NPAS2: variants seen among roughly 807,000 people sequenced by gnomAD.
The protein encoded by NPAS2 is neuronal PAS domain protein 2.
In NPAS2, 23 loss-of-function variants were observed where a neutral mutation model predicts 107.5. The ratio of observed to expected loss-of-function variants is 0.21; its 90% confidence interval spans 0.15 to 0.30. NPAS2 has a LOEUF of 0.30. NPAS2 is among the 10% of genes least tolerant of loss of function. The probability of loss-of-function intolerance (pLI) is 1.00; values close to 1 mark genes in which losing one functional copy is unlikely to be tolerated. For synonymous variants in NPAS2, 403 were observed against 417.5 expected, an observed-to-expected ratio of 0.97 and a Z score of 0.42; for missense variants, 756 against 1,043.3, an observed-to-expected ratio of 0.72 and a Z score of 3.79.
At chr2:100,947,622 A>G (rs1213265285) in intron 5 of NPAS2, among the ~76,000 whole-genome samples, 1 of 152,174 alleles carries the variant, frequency 6.6e-6, no homozygotes, top group East Asian at 1.9e-4. Context: ...CTCAGTAACC[A>G]TGTGGCTAGT....
chr2:100,863,134 C>T (rs1433134020), intron 1 of NPAS2, among the ~76,000 whole-genome samples: 3 of 152,242 alleles, frequency 2.0e-5, no homozygotes, highest in Non-Finnish European at 4.4e-5. Context: ...GCCCGACCTT[C>T]TCACTGTCTA....
chr2:100,943,569 T>C (rs1344263328), intron 5 of NPAS2, among the ~76,000 whole-genome samples: 2 of 152,138 alleles, frequency 1.3e-5, no homozygotes, highest in African/African-American at 2.4e-5. Context: ...ACAGCCCAGA[T>C]GAGGACCACA....
chr2:100,958,638 A>G (rs758621465), intron 7 of NPAS2, among the ~76,000 whole-genome samples: 1 of 152,194 alleles, frequency 6.6e-6, no homozygotes, highest in African/African-American at 2.4e-5. Context: ...AAATGGAACA[A>G]TGAGGAATGG....
chr2:100,943,896 G>A (rs1306262600), intron 5 of NPAS2, among the ~76,000 whole-genome samples: 2 of 152,100 alleles, frequency 1.3e-5, no homozygotes, highest in Non-Finnish European at 2.9e-5. Context: ...TTAATTTTGG[G>A]CCATACCACA....
chr2:100,863,019 C>G (rs1033415161), intron 1 of NPAS2, among the ~76,000 whole-genome samples: 2 of 152,212 alleles, frequency 1.3e-5, no homozygotes, highest in Non-Finnish European at 1.5e-5. Flanking sequence ...GATGTATCTT[C>G]ACTTCCGTGT....
At chr2:100,927,078 A>G (rs1208117364) in intron 3 of NPAS2, among the ~76,000 whole-genome samples, 2 of 151,438 alleles carry the variant, frequency 1.3e-5, no homozygotes, top group Non-Finnish European at 2.9e-5. Flanking sequence ...AGCTGGGACT[A>G]GAGGTGCCAC....
In NPAS2 at chr2:100,950,459, C is replaced by T. The variant is rs139888743; in HGVS notation, c.598+979C>T. On this transcript the variant is annotated intron_variant, in intron 7 of 20. Coordinates refer to ENST00000335681, the MANE Select transcript of NPAS2 (RefSeq NM_002518.4). The stretch of plus-strand genomic sequence containing the variant: ...TTCTTGACCACTGTTTCACTCTGGA[C>T]GTGGTGGGTCTATTCCTTCAGTCAA... 3.7e-3 allele frequency among the ~76,000 whole-genome samples: 568 copies of T among 152,318 alleles called. 3 individuals carry two copies. Among genetic ancestry groups the T allele is most frequent in the African/African-American group, 0.013 (527 of 41,556 alleles).
intron 17 of NPAS2, chr2:100,989,993 T>C (rs957185758): frequency 3.5e-5 from 16 of 461,074 alleles, no homozygotes; most frequent in Admixed American, 1.1e-4. Flanking sequence ...GTGTCTGCAG[T>C]AGAATTTGAA....
intron 1 of NPAS2, among the ~76,000 whole-genome samples, chr2:100,902,767 G>T (rs949064039): frequency 6.6e-6 from 1 of 152,180 alleles, no homozygotes; most frequent in African/African-American, 2.4e-5. Flanking sequence ...GACAACAGAG[G>T]TGACAAAATA....
intron 1 of NPAS2, among the ~76,000 whole-genome samples, chr2:100,827,545 C>T (rs72816908): frequency 6.6e-6 from 1 of 152,070 alleles, no homozygotes; most frequent in African/African-American, 2.4e-5. Context: ...TGGCTCCCTG[C>T]TCCCTCCAGT....
intron 7 of NPAS2, among the ~76,000 whole-genome samples, chr2:100,949,856 C>T (rs1274539890): frequency 2.0e-5 from 3 of 152,202 alleles, no homozygotes; most frequent in African/African-American, 7.2e-5. Context: ...CACTGTTTCC[C>T]TCCCGCTGCA....
intron 19 of NPAS2, among the ~76,000 whole-genome samples, chr2:100,991,416 G>T (rs1678125134): frequency 6.6e-6 from 1 of 152,256 alleles, no homozygotes; most frequent in Non-Finnish European, 1.5e-5. Context: ...TTTAAAAGCT[G>T]CTGGAAAACA....
At chr2:100,903,877 A>C (rs1404382879) in intron 1 of NPAS2, among the ~76,000 whole-genome samples, 1 of 152,108 alleles carries the variant, frequency 6.6e-6, no homozygotes, top group Admixed American at 6.5e-5. Flanking sequence ...AGGGCTATGC[A>C]GCTCTGAGGG....
At chr2:100,919,450 TTGAC>T (rs758280729) in intron 2 of NPAS2, among the ~76,000 whole-genome samples, 28 of 151,512 alleles carry the variant, frequency 1.8e-4, no homozygotes, top group Non-Finnish European at 4.4e-5. Context: ...CTAATGAAGT[TTGAC>T]TGAGCCTTGC....
intron 3 of NPAS2, among the ~76,000 whole-genome samples, chr2:100,930,429 C>G (rs1012128667): frequency 3.3e-5 from 5 of 152,182 alleles, no homozygotes; most frequent in African/African-American, 1.2e-4. Context: ...GAGTTGAGCA[C>G]TCTAGGAAAT....
intron 1 of NPAS2, among the ~76,000 whole-genome samples, chr2:100,847,430 T>G (rs1028001640): frequency 3.3e-5 from 5 of 152,034 alleles, no homozygotes; most frequent in Admixed American, 6.5e-5. Context: ...AGTGCAGTGG[T>G]GTGATCTCAG....
At chr2:100,840,080 C>T (rs974827835) in intron 1 of NPAS2, among the ~76,000 whole-genome samples, 2 of 152,106 alleles carry the variant, frequency 1.3e-5, no homozygotes, top group East Asian at 1.9e-4. Context: ...ATCCAGGCCC[C>T]GGGGCCTTTG....
In NPAS2 at chr2:100,820,925, C is replaced by A; in HGVS notation, c.-23+511C>A. ...AATTGGTTCCGGGCCGGATTGGGTG[C>A]GGAATCGGTGCCCCCAACCCCCGTG... is the stretch of plus-strand genomic sequence containing the variant. On this transcript the variant is annotated intron_variant, in intron 1 of 20. Coordinates refer to ENST00000335681, the MANE Select transcript of NPAS2 (RefSeq NM_002518.4). This position sits in a 1 kb window ranked among gnomAD's most constrained non-coding sequence, Gnocchi z 5.6. 1 of 704,178 alleles carries A rather than the reference C, an allele frequency of 1.4e-6. No homozygotes were observed. The highest frequency in any genetic ancestry group is 2.1e-6 in the Non-Finnish European group (1 of 482,336). 43.6% of individuals were successfully genotyped at this position (704,178 alleles called of 1,614,324 possible).
In NPAS2 at chr2:100,925,185, G is replaced by A. The variant is rs1326756766; in HGVS notation, c.72G>A (p.Gln24=). ...AGTCTGAGAAGAAGCGTCGGGACCA[G>A]TTCAATGTTCTCATCAAAGAGCTCA... ...RNKSEKKRRD[Q]FNVLIKELSS... Residue 24 remains glutamine, a synonymous_variant, in exon 3 of 21, where the codon CAG becomes CAA. Transcript: ENST00000335681. The A allele has an allele frequency of 6.2e-7, 1 of 1,614,134 alleles. No homozygotes were observed. Among genetic ancestry groups the A allele is most frequent in the East Asian group, 2.2e-5 (1 of 44,886 alleles).
Sources: allele counts gnomAD v4.1 joint callset (sites outside exome capture counted in the v4.1 genomes callset), GRCh38; gene constraint gnomAD v4.1.1; non-coding constraint Gnocchi (gnomAD v3.1); transcripts MANE v1.5; gene names NCBI Gene and HGNC (gene_info 2026-07-23, HGNC 2026-07-21).